Variants in TUT7 observed in about 807,000 individuals in gnomAD.
The protein encoded by TUT7 is terminal uridylyl transferase 7.
A neutral mutation model predicts 165.9 loss-of-function variants in TUT7; 33 were observed. That is an observed-to-expected ratio of 0.20 (90% CI 0.15 to 0.27). The LOEUF (loss-of-function observed/expected upper bound fraction) is 0.27, where lower values mean the gene tolerates loss of function less well. TUT7 is among the 10% of genes least tolerant of loss of function. TUT7 has a pLI of 1.00. For synonymous variants in TUT7, 552 were observed against 608.1 expected (o/e 0.91, Z 1.36); for missense variants, 1,338 against 1,762.3 (o/e 0.76, Z 4.31).
At chr9:86,339,118 T>C (rs1246067743) in intron 8 of TUT7, among the ~76,000 whole-genome samples, 169 bp from the exon 9 acceptor site, 1 of 152,222 alleles carries the variant, frequency 6.6e-6, no homozygotes, top group Non-Finnish European at 1.5e-5. Flanking sequence ...TTTAATAAAT[T>C]TTCTTTACAA....
At chr9:86,314,149 A>C (rs1828493764) in intron 17 of TUT7, among the ~76,000 whole-genome samples, 2 of 152,182 alleles carry the variant, frequency 1.3e-5, no homozygotes, top group Admixed American at 1.3e-4. Context: ...ACAGAATTTA[A>C]AATCAGAGTC....
intron 6 of TUT7, among the ~76,000 whole-genome samples, chr9:86,341,490 A>G (rs1831323004): frequency 6.6e-6 from 1 of 152,166 alleles, no homozygotes; most frequent in South Asian, 2.1e-4. Context: ...CTGTATCCTT[A>G]CAACTCTCAA....
At chr9:86,339,378 C>T (rs1338786515) in intron 8 of TUT7, among the ~76,000 whole-genome samples, 2 of 152,008 alleles carry the variant, frequency 1.3e-5, no homozygotes, top group Non-Finnish European at 1.5e-5. Context: ...ATTAGCCAGG[C>T]GTGGTGGTGG....
chr9:86,313,446 C>T lies in TUT7; in HGVS notation c.3275-2637G>A, dbSNP rs1159762435. ...AGGGCTTTCAGAGTAAGAGTTACCACTTCCTGAGCACCTAATGTGTGATAG... is the reference window on the plus strand; with the variant it reads ...AGGGCTTTCAGAGTAAGAGTTACCATTTCCTGAGCACCTAATGTGTGATAG... On this transcript the variant is annotated intron_variant, in intron 17 of 26. Transcript: ENST00000375963. 2.0e-5 allele frequency among the ~76,000 whole-genome samples: 3 copies of T among 152,154 alleles called. No individual in the cohort carries two copies. The East Asian group carries it at 5.8e-4, about 29-fold the overall frequency.
At chr9:86,325,564 T>C (rs760801798) in intron 11 of TUT7, 50 bp from the exon 12 acceptor site, 30 of 1,503,850 alleles carry the variant, frequency 2.0e-5, no homozygotes, top group Non-Finnish European at 5.4e-6. Context: ...GTAAGTACAA[T>C]CTGGAAAATT....
At chr9:86,351,243 C>G (rs1832278136) in intron 2 of TUT7, among the ~76,000 whole-genome samples, 1 of 151,822 alleles carries the variant, frequency 6.6e-6, no homozygotes, top group Non-Finnish European at 1.5e-5. Context: ...TGAGACCAGT[C>G]AGGCCAACAT....
intron 9 of TUT7, 69 bp downstream of exon 9, chr9:86,338,754 A>T: frequency 7.2e-7 from 1 of 1,397,484 alleles, no homozygotes; most frequent in Non-Finnish European, 9.4e-7. Flanking sequence ...AGATTAAATT[A>T]AGTAAAAATC....
intron 10 of TUT7, among the ~76,000 whole-genome samples, chr9:86,336,172 T>C (rs1195672143): frequency 1.3e-5 from 2 of 152,162 alleles, no homozygotes; most frequent in African/African-American, 4.8e-5. Context: ...TTTTTTTAGG[T>C]GCAGGAGTCC....
chr9:86,319,451 C>G (rs537770271), intron 15 of TUT7, 133 bp downstream of exon 15: 1 of 657,018 alleles, frequency 1.5e-6, no homozygotes, highest in Admixed American at 3.2e-5. Flanking sequence ...ATTTGGCAGA[C>G]CAAGGACCAT....
In TUT7 at chr9:86,346,382, A is replaced by G. The variant is rs1399574621; in HGVS notation, c.619T>C (p.Ser207Pro). The G allele has an allele frequency of 6.8e-6, 11 of 1,613,766 alleles. No homozygotes were observed. The highest frequency in any genetic ancestry group is 3.3e-5 in the Admixed American group (2 of 59,972). ...AGCAGCTCCTTCGTTGAAAGTACAG[A>G]CTCATCGATCACAGGGCCTTCCAAG... Reference protein sequence around the residue: ...GDLEGPVIDESVLSTKELLGL... With the variant: ...GDLEGPVIDEPVLSTKELLGL... Residue 207 changes from serine to proline, a missense_variant, in exon 3 of 27, where the codon TCT becomes CCT. Transcript: ENST00000375963.
chr9:86,319,983 C>T (rs1490092975), intron 14 of TUT7, among the ~76,000 whole-genome samples: 1 of 152,108 alleles, frequency 6.6e-6, no homozygotes, highest in Non-Finnish European at 1.5e-5. Context: ...TAGGCATGTA[C>T]CACCATGCCT....
At chr9:86,341,372 C>T (rs529240735) in intron 6 of TUT7, among the ~76,000 whole-genome samples, 1 of 152,314 alleles carries the variant, frequency 6.6e-6, no homozygotes, top group African/African-American at 2.4e-5. Context: ...TATTACCTTT[C>T]ACTCTAATAC....
At chr9:86,334,326 T>A (rs1396701272) in intron 10 of TUT7, among the ~76,000 whole-genome samples, 1 of 152,130 alleles carries the variant, frequency 6.6e-6, no homozygotes, top group Non-Finnish European at 1.5e-5. Flanking sequence ...CCTCAGAGCT[T>A]AGTGGGATTC....
At chr9:86,330,042 T>C (rs1304315853) in intron 10 of TUT7, among the ~76,000 whole-genome samples, 1 of 152,146 alleles carries the variant, frequency 6.6e-6, no homozygotes, top group African/African-American at 2.4e-5. Context: ...AGGGCAAGAA[T>C]TGTGTTTTGT....
intron 26 of TUT7, among the ~76,000 whole-genome samples, chr9:86,289,871 C>T (rs1825783639): frequency 1.3e-5 from 2 of 152,014 alleles, no homozygotes; most frequent in Non-Finnish European, 2.9e-5. Context: ...TTATAATTAA[C>T]AATGCAAAGA....
chr9:86,332,383 T>C (rs1439939060), intron 10 of TUT7, among the ~76,000 whole-genome samples: 2 of 152,200 alleles, frequency 1.3e-5, no homozygotes, highest in African/African-American at 4.8e-5. Context: ...ATCATGTCTT[T>C]TGCAGGAACA....
intron 10 of TUT7, among the ~76,000 whole-genome samples, chr9:86,333,228 C>G (rs968109705): frequency 4.6e-5 from 7 of 152,172 alleles, no homozygotes; most frequent in Non-Finnish European, 8.8e-5. Flanking sequence ...GTTCTTTAAG[C>G]CTTGGCCCCC....
chr9:86,352,624 A>G, intron 2 of TUT7, 56 bp downstream of exon 2: 2 of 1,595,158 alleles, frequency 1.3e-6, no homozygotes, highest in Non-Finnish European at 1.7e-6. Flanking sequence ...TTGGATGAAA[A>G]AGAATAAAAC....
Position 86,343,090 on chromosome 9 carries a change from G to C in TUT7, c.1071C>G (p.Ile357Met), listed in dbSNP as rs2131580068. 1.2e-6 allele frequency: 2 copies of C among 1,602,822 alleles called. No individual in the cohort carries two copies. Among genetic ancestry groups the C allele is most frequent in the South Asian group, 1.1e-5 (1 of 88,988 alleles). Residue 357 changes from isoleucine (I) to methionine (M), a missense_variant, in exon 6 of 27, where the codon ATC becomes ATG. Ile to Met is a conservative substitution (Grantham distance 10). This residue lies in a region of TUT7 where 434 missense variants were observed against 480.8 expected (regional missense o/e 0.90). Coordinates refer to ENST00000375963, the MANE Select transcript of TUT7 (RefSeq NM_024617.4). ...TTGTACTTACAATGGCTGGAAACTG[G>C]ATGTCAATGTTTACATCCGAATTTT... ...GFKNSDVNID[I>M]QFPAIMSQPD...
Sources: allele counts gnomAD v4.1 joint callset (sites outside exome capture counted in the v4.1 genomes callset), GRCh38; gene constraint gnomAD v4.1.1; regional missense constraint gnomAD v4.1.1; transcripts MANE v1.5; gene names NCBI Gene and HGNC (gene_info 2026-07-23, HGNC 2026-07-21).